The following SLC25A53 variants were observed in gnomAD, a reference collection of about 807,000 sequenced individuals.
The protein encoded by SLC25A53 is mitochondrial carrier triple repeat protein 6.
Under a neutral mutation model 15.0 loss-of-function variants are expected in SLC25A53, and 5 were observed. The observed-to-expected ratio is 0.33, with a 90% CI of 0.17 to 0.70. SLC25A53 has a LOEUF of 0.70. Among genes scored for constraint, SLC25A53 ranks in the 30% least tolerant of loss-of-function variants. The probability of loss-of-function intolerance (pLI) is 0.67; values close to 1 mark genes in which losing one functional copy is unlikely to be tolerated. For missense variants in SLC25A53, 216 were observed against 241.6 expected (o/e 0.89, Z 0.70); for synonymous variants, 95 against 100.0 (o/e 0.95, Z 0.30).
At chrX:104,137,278 A>G (rs782397572) in intron 1 of SLC25A53, among the ~76,000 whole-genome samples, 1 of 111,330 alleles carries the variant, frequency 9.0e-6, no homozygotes, top group African/African-American at 3.3e-5. Flanking sequence ...AAAACCTTGT[A>G]CCTCCCAAAT....
intron 1 of SLC25A53, among the ~76,000 whole-genome samples, chrX:104,108,940 T>C (rs193032041): frequency 2.0e-3 from 228 of 112,106 alleles, no homozygotes; most frequent in African/African-American, 7.1e-3. Context: ...TCAACTAGCT[T>C]GGGAGACAGG....
chrX:104,150,786 A>G (rs1265464866), intron 1 of SLC25A53, among the ~76,000 whole-genome samples: 2 of 111,584 alleles, frequency 1.8e-5, no homozygotes, highest in Admixed American at 9.5e-5. Flanking sequence ...AAATCCCGTA[A>G]TAAGTCCTTT....
rs1459952505 is a variant in SLC25A53 at position 104,102,956 on chromosome X, GGA to G, written c.*1376_*1377del. On this transcript the variant is annotated 3_prime_UTR_variant, in exon 2 of 2. Transcript: ENST00000594199. ...AGTTCGAGACCAGCCTGACCAACAT[GGA>G]GAGACCCCATCTCTACTAAAAATAC... 2.7e-5 allele frequency: 3 copies of G among 110,203 alleles called. No individual in the cohort carries two copies. Among genetic ancestry groups the G allele is most frequent in the African/African-American group, 9.9e-5 (3 of 30,176 alleles). The allele number at this position is 110,203 out of a possible 1,213,427, so 9.1% of individuals were successfully genotyped here.
chrX:104,126,287 CAA>C (rs1409151512), intron 1 of SLC25A53, among the ~76,000 whole-genome samples: 1 of 110,492 alleles, frequency 9.1e-6, no homozygotes, highest in Non-Finnish European at 1.9e-5. Context: ...CCAGTCTGGG[CAA>C]AAGCACTTGT....
At position 104,105,107 on chromosome X, in the gene SLC25A53, C is replaced by G; in HGVS notation, c.151G>C (p.Val51Leu). The G allele has an allele frequency of 8.2e-7, 1 of 1,212,146 alleles. No homozygotes were observed. Among genetic ancestry groups the G allele is most frequent in the Non-Finnish European group, 1.1e-6 (1 of 895,628 alleles). ...GCATGGATCTGTTGCCGGAACACAA[C>G]CTTATAGATAGGAAAGGTCAGAAAA... is the stretch of plus-strand genomic sequence containing the variant. ...STFLTFPIYK[V>L]VFRQQIHAMA... is the part of the protein sequence containing the mutation. The change falls in exon 2 of 2, where the codon GTT becomes CTT. Residue 51 changes from valine to leucine, a missense_variant. Physicochemically the swap from Val to Leu is conservative, Grantham distance 32. Coordinates refer to ENST00000594199, the MANE Select transcript of SLC25A53 (RefSeq NM_001012755.5).
intron 1 of SLC25A53, among the ~76,000 whole-genome samples, chrX:104,137,513 G>C (rs148282984): frequency 1.7e-3 from 189 of 111,522 alleles, no homozygotes; most frequent in African/African-American, 5.8e-3. Context: ...GATGGATCTT[G>C]AGCAGCTCAC....
chrX:104,134,029 A>G (rs1460897746), intron 1 of SLC25A53, among the ~76,000 whole-genome samples: 1 of 112,012 alleles, frequency 8.9e-6, no homozygotes, highest in African/African-American at 3.3e-5. Context: ...GGCCAGGGAG[A>G]CAGGTACTAT....
At chrX:104,140,647 C>A (rs782442930) in intron 1 of SLC25A53, among the ~76,000 whole-genome samples, 5 of 111,317 alleles carry the variant, frequency 4.5e-5, no homozygotes. Flanking sequence ...TGGGGAATAC[C>A]ATAAACAGTA....
Position 104,104,131 on chromosome X carries a change from G to T in SLC25A53, c.*203C>A. On this transcript the variant is annotated 3_prime_UTR_variant, in exon 2 of 2. Transcript: ENST00000594199. ...GCTACTGAAACTGTGGAGAGACTGG[G>T]GTGAACGTTTCTTTTTGACTAAGGA... 4 of 417,903 alleles carry T rather than the reference G, an allele frequency of 9.6e-6. No homozygotes were observed. Among genetic ancestry groups the T allele is most frequent in the Non-Finnish European group, 1.7e-5 (4 of 240,024 alleles). The allele number at this position is 417,903 out of a possible 1,213,427, so 34.4% of individuals were successfully genotyped here. A position where few individuals can be genotyped will look rare whatever the true frequency, so the allele number is the denominator to read the frequency against.
intron 1 of SLC25A53, chrX:104,115,893 C>G (rs2075375161): frequency 8.3e-6 from 1 of 120,929 alleles, no homozygotes; most frequent in Non-Finnish European, 1.9e-5. Flanking sequence ...AAAAATGAAA[C>G]TAAATATAGA....
chrX:104,144,059 T>C lies in SLC25A53; in HGVS notation c.-32+12819A>G, dbSNP rs377267986. ...ACAGACAAGCAAATGCTGAGAGATTTTGTCACCATCAGGCCTGCCTTACAA... is the reference window on the plus strand; with the variant it reads ...ACAGACAAGCAAATGCTGAGAGATTCTGTCACCATCAGGCCTGCCTTACAA... On this transcript the variant is annotated intron_variant, in intron 1 of 1. Coordinates refer to ENST00000594199, the MANE Select transcript of SLC25A53 (RefSeq NM_001012755.5). Among the ~76,000 whole-genome samples, 9 of 111,812 alleles carry C rather than the reference T, an allele frequency of 8.0e-5. 1 individual carries two copies. The highest frequency in any genetic ancestry group is 5.6e-4 in the East Asian group (2 of 3,562).
At chrX:104,145,144 A>G (rs1276328444) in intron 1 of SLC25A53, among the ~76,000 whole-genome samples, 2 of 112,425 alleles carry the variant, frequency 1.8e-5, no homozygotes, top group African/African-American at 6.5e-5. Flanking sequence ...ATCATAAGTC[A>G]GAATTAAGAA....
rs1156897983 is a variant in SLC25A53, at chrX:104,102,777, A to G, written c.*1557T>C. On this transcript the variant is annotated 3_prime_UTR_variant, in exon 2 of 2. Transcript: ENST00000594199. ...AGGAGGTATTGAAGAATACAAGAAC[A>G]AAGGGTCACATGAGATTAGTGACAT... 2.7e-5 allele frequency: 3 copies of G among 112,114 alleles called. No homozygotes were observed. Among genetic ancestry groups the G allele is most frequent in the Non-Finnish European group, 5.6e-5 (3 of 53,265 alleles). 9.2% of individuals were successfully genotyped at this position (112,114 alleles called of 1,213,427 possible).
At chrX:104,139,858 TAAATA>T (rs782416714) in intron 1 of SLC25A53, among the ~76,000 whole-genome samples, 1,566 of 112,521 alleles carry the variant, frequency 0.014, 7 homozygotes, top group Non-Finnish European at 0.023. Flanking sequence ...AAAATAAAAA[TAAATA>T]AAATAAAATG....
At chrX:104,133,964 T>C (rs1335688985) in intron 1 of SLC25A53, among the ~76,000 whole-genome samples, 1 of 111,607 alleles carries the variant, frequency 9.0e-6, no homozygotes. Flanking sequence ...AGAAAAACAT[T>C]CTGATTGTCC....
intron 1 of SLC25A53, among the ~76,000 whole-genome samples, chrX:104,106,008 C>A (rs1219953009): frequency 8.9e-5 from 10 of 111,800 alleles, no homozygotes; most frequent in African/African-American, 3.3e-4. Context: ...ATTTTTTATT[C>A]TTGGCGCCTG....
chrX:104,142,236 T>C lies in SLC25A53; in HGVS notation c.-32+14642A>G, dbSNP rs528843502. On this transcript the variant is annotated intron_variant, in intron 1 of 1. Coordinates refer to ENST00000594199, the MANE Select transcript of SLC25A53 (RefSeq NM_001012755.5). Reference sequence around the variant, plus strand: ...TCCAACTGTCAACACAGTGAGACCCTGTTTCAAAAAAAACTGAACCAGTTT... The same window carrying C: ...TCCAACTGTCAACACAGTGAGACCCCGTTTCAAAAAAAACTGAACCAGTTT... Among the ~76,000 whole-genome samples, 11 of 111,481 alleles carry C rather than the reference T, an allele frequency of 9.9e-5. No individual in the cohort carries two copies. In the South Asian group the frequency reaches 4.2e-3, roughly 42 times the overall value.
intron 1 of SLC25A53, chrX:104,114,623 A>G: frequency 8.3e-7 from 1 of 1,211,909 alleles, no homozygotes; most frequent in Non-Finnish European, 1.1e-6. Flanking sequence ...AAAGATGCAA[A>G]CCAGACTCGC....
At chrX:104,132,168 T>C (rs1486152888) in intron 1 of SLC25A53, among the ~76,000 whole-genome samples, 1 of 112,653 alleles carries the variant, frequency 8.9e-6, no homozygotes, top group Non-Finnish European at 1.9e-5. Flanking sequence ...TAACATTTAC[T>C]ATAATACACT....
Sources: gnomAD v4.1 joint callset for allele counts (sites outside exome capture counted in the v4.1 genomes callset) on GRCh38, gnomAD v4.1.1 for gene constraint, MANE v1.5 for transcripts, NCBI Gene and HGNC (gene_info 2026-07-23, HGNC 2026-07-21) for gene names.